PLXNA2: variants seen among roughly 807,000 people sequenced by gnomAD.
PLXNA2 encodes plexin A2, also known as plexin-A2.
A neutral mutation model predicts 193.5 loss-of-function variants in PLXNA2; 91 were observed. That is an observed-to-expected ratio of 0.47 (90% confidence interval 0.40 to 0.56). The LOEUF (loss-of-function observed/expected upper bound fraction) is 0.56. Among genes scored for constraint, PLXNA2 ranks in the 20% least tolerant of loss-of-function variants. The probability of loss-of-function intolerance (pLI) is 0.00; values close to 1 mark genes in which losing one functional copy is unlikely to be tolerated. For synonymous variants in PLXNA2, 997 were observed against 1,027.3 expected (o/e 0.97, Z 0.56); for missense variants, 1,995 against 2,503.2 (o/e 0.80, Z 4.33).
At position 208,051,074 on chromosome 1, in the gene PLXNA2, A is replaced by T. The variant is rs146144297; in HGVS notation, c.3190T>A (p.Phe1064Ile). The T allele has an allele frequency of 3.1e-6, 5 of 1,614,004 alleles. No homozygotes were observed. The highest frequency in any genetic ancestry group is 1.7e-5 in the Admixed American group (1 of 60,000). Residue 1064 changes from phenylalanine to isoleucine, a missense_variant, in exon 17 of 32, where the codon TTC becomes ATC. By Grantham distance (21) the Phe-to-Ile change is conservative (BLOSUM62 0). Transcript: ENST00000367033. ...GGCTCCTGAATGACATCCAGGTTGAAGCCTGTGATGGTCAGGGGTGTGTGG... is the reference window on the plus strand; with the variant it reads ...GGCTCCTGAATGACATCCAGGTTGATGCCTGTGATGGTCAGGGGTGTGTGG... Reference protein sequence around the residue: ...SGHTPLTITGFNLDVIQEPRI... With the variant: ...SGHTPLTITGINLDVIQEPRI...
Position 208,123,233 on chromosome 1 carries a change from C to T in PLXNA2, c.1506+19096G>A, listed in dbSNP as rs369564581. On this transcript the variant is annotated intron_variant, in intron 4 of 31. Coordinates refer to ENST00000367033, the MANE Select transcript of PLXNA2 (RefSeq NM_025179.4). ...TTTTCAAGGTTCATCCATATTGTAG[C>T]CTATGTTAGTAACTTCCTAAATTTC... is the stretch of plus-strand genomic sequence containing the variant. Among the ~76,000 whole-genome samples, 32 of 152,250 alleles carry T rather than the reference C, an allele frequency of 2.1e-4. 1 individual carries two copies. The highest frequency in any genetic ancestry group is 1.6e-3 in the Admixed American group (25 of 15,294).
At chr1:208,147,565 T>G (rs970652832) in intron 3 of PLXNA2, among the ~76,000 whole-genome samples, 4 of 152,180 alleles carry the variant, frequency 2.6e-5, no homozygotes, top group Non-Finnish European at 5.9e-5. Flanking sequence ...GCTGTCACAG[T>G]ACTTAACAAA....
intron 1 of PLXNA2, among the ~76,000 whole-genome samples, chr1:208,233,473 G>A (rs1329934062): frequency 6.6e-6 from 1 of 152,226 alleles, no homozygotes; most frequent in African/African-American, 2.4e-5. Context: ...ACAGTTGGTG[G>A]AAAATTTGGC....
intron 3 of PLXNA2, among the ~76,000 whole-genome samples, chr1:208,164,508 C>G (rs1191641453): frequency 6.6e-6 from 1 of 152,200 alleles, no homozygotes; most frequent in Non-Finnish European, 1.5e-5. Flanking sequence ...CAGACACCTT[C>G]TAAGAAATAC....
intron 12 of PLXNA2, among the ~76,000 whole-genome samples, 162 bp from the exon 13 acceptor site, chr1:208,060,999 A>G (rs762225349): frequency 7.2e-5 from 11 of 152,100 alleles, no homozygotes; most frequent in Non-Finnish European, 1.6e-4. Flanking sequence ...TTTTTAGCTT[A>G]TCTCGGATCT....
intron 3 of PLXNA2, among the ~76,000 whole-genome samples, chr1:208,152,582 C>T (rs963843921): frequency 3.9e-5 from 6 of 152,002 alleles, no homozygotes; most frequent in Non-Finnish European, 5.9e-5. Context: ...TTGCTTAACT[C>T]AGTCTCCTAA....
Position 208,082,979 on chromosome 1 carries a change from C to G in PLXNA2, c.2299-471G>C, listed in dbSNP as rs1203793268. 6.6e-6 allele frequency among the ~76,000 whole-genome samples: 1 copy of G among 152,172 alleles called. No individual in the cohort carries two copies. Among genetic ancestry groups the G allele is most frequent in the African/African-American group, 2.4e-5 (1 of 41,428 alleles). ...ACTTTCTGTCTTGCACTGGCACTTT[C>G]CAGGATCTGCTGTGCCTCTTTTCAC... On this transcript the variant is annotated intron_variant, in intron 10 of 31. Coordinates refer to ENST00000367033, the MANE Select transcript of PLXNA2 (RefSeq NM_025179.4). This position sits in a 1 kb window ranked among gnomAD's most constrained non-coding sequence, Gnocchi z 4.2.
At chr1:208,081,102 G>A (rs909072106) in intron 11 of PLXNA2, among the ~76,000 whole-genome samples, 26 of 152,234 alleles carry the variant, frequency 1.7e-4, no homozygotes, top group African/African-American at 5.3e-4. Flanking sequence ...CAGCTCGGAT[G>A]TGGCTGCTCT....
chr1:208,230,361 T>A (rs1671650946), intron 1 of PLXNA2: 1 of 152,272 alleles, frequency 6.6e-6, no homozygotes, highest in African/African-American at 2.4e-5. Context: ...TCTTGAGTTG[T>A]CATTCCCACC....
At chr1:208,068,217 T>C (rs886341340) in intron 12 of PLXNA2, among the ~76,000 whole-genome samples, 3 of 152,198 alleles carry the variant, frequency 2.0e-5, no homozygotes, top group Non-Finnish European at 4.4e-5. Context: ...AATTCTCTGT[T>C]AAAAGGAAAT....
chr1:208,157,329 C>G (rs1389268096), intron 3 of PLXNA2, among the ~76,000 whole-genome samples: 1 of 152,140 alleles, frequency 6.6e-6, no homozygotes, highest in Non-Finnish European at 1.5e-5. Context: ...TCCATGTTGG[C>G]CAAATCTTTT....
chr1:208,059,289 C>T (rs991075482), intron 13 of PLXNA2, among the ~76,000 whole-genome samples: 10 of 152,198 alleles, frequency 6.6e-5, no homozygotes, highest in African/African-American at 2.4e-4. Flanking sequence ...TTCCATCTTC[C>T]TCATCTCTGT....
chr1:208,217,389 C>G lies in PLXNA2; in HGVS notation c.534G>C (p.Glu178Asp). Residue 178 changes from glutamate (E) to aspartate (D), a missense_variant, in exon 2 of 32, where the codon GAG becomes GAC. Physicochemically the swap from Glu to Asp is conservative, Grantham distance 45. Around this residue, in one of 3 missense-constraint regions of PLXNA2, gnomAD observed 702 missense variants for 812.9 expected, o/e 0.86. Transcript: ENST00000367033. The surrounding 1 kb of genome is among the most constrained non-coding windows in gnomAD (Gnocchi z 4.7). ...MYGVIVRSEG[E>D]DGKLFIGTAV... ...CCGTGCCGATGAAGAGCTTGCCATC[C>G]TCACCCTCAGAGCGCACAATCACCC... The G allele has an allele frequency of 1.2e-6, 2 of 1,614,202 alleles. No individual in the cohort carries two copies. Among genetic ancestry groups the G allele is most frequent in the Non-Finnish European group, 1.7e-6 (2 of 1,180,044 alleles).
At chr1:208,063,216 T>G (rs1175323488) in intron 12 of PLXNA2, among the ~76,000 whole-genome samples, 1 of 152,242 alleles carries the variant, frequency 6.6e-6, no homozygotes, top group Non-Finnish European at 1.5e-5. Context: ...CTGGAAAGCC[T>G]AAAAATATTT....
At chr1:208,077,608 A>G (rs939958761) in intron 12 of PLXNA2, among the ~76,000 whole-genome samples, 2 of 152,210 alleles carry the variant, frequency 1.3e-5, no homozygotes, top group Non-Finnish European at 2.9e-5. Flanking sequence ...ATTACAGAAC[A>G]GTGCAAGTTC....
intron 1 of PLXNA2, among the ~76,000 whole-genome samples, chr1:208,229,251 T>C (rs1671611084): frequency 6.6e-6 from 1 of 152,178 alleles, no homozygotes; most frequent in African/African-American, 2.4e-5. Context: ...AATCACACAC[T>C]GATTCTAGCA....
intron 3 of PLXNA2, among the ~76,000 whole-genome samples, chr1:208,192,446 T>G (rs1054910822): frequency 1.3e-5 from 2 of 149,396 alleles, no homozygotes; most frequent in Non-Finnish European, 3.0e-5. Context: ...CATTTGAACC[T>G]TTTTTTTTAA....
Position 208,210,309 on chromosome 1 carries a change from C to T in PLXNA2, c.1342G>A (p.Val448Met). The T allele has an allele frequency of 1.2e-6, 2 of 1,613,950 alleles. No individual in the cohort carries two copies. The highest frequency in any genetic ancestry group is 1.6e-4 in the Middle Eastern group (1 of 6,062). The part of the protein sequence containing the change: ...YVYNGYSVVF[V>M]GTKSGKLKKI... ...TTCAGCTTGCCACTCTTAGTCCCCA[C>T]AAAAACCACGCTGTAGCCGTTGTAA... Residue 448 changes from valine (V) to methionine (M), a missense_variant, in exon 3 of 32, where the codon GTG (valine) becomes ATG (methionine). Transcript: ENST00000367033.
At chr1:208,149,378 G>T (rs947026365) in intron 3 of PLXNA2, among the ~76,000 whole-genome samples, 16 of 151,524 alleles carry the variant, frequency 1.1e-4, no homozygotes, top group Admixed American at 2.6e-4. Flanking sequence ...TGTATATGTG[G>T]TATGTGTGTA....
Sources: gnomAD v4.1 joint callset for allele counts (sites outside exome capture counted in the v4.1 genomes callset) on GRCh38, gnomAD v4.1.1 for gene constraint, gnomAD v4.1.1 regional missense constraint, Gnocchi (gnomAD v3.1) non-coding constraint, MANE v1.5 for transcripts, NCBI Gene and HGNC (gene_info 2026-07-23, HGNC 2026-07-21) for gene names.